DEFB135: variants seen among roughly 807,000 people sequenced by gnomAD.
The protein encoded by DEFB135 is beta-defensin 135.
A neutral mutation model predicts 8.9 loss-of-function variants in DEFB135; 14 were observed. That is an observed-to-expected ratio of 1.58 (90% confidence interval 1.04 to 2.47). The LOEUF (loss-of-function observed/expected upper bound fraction) is 2.47. Ranked by LOEUF, DEFB135 falls within the 30% of genes most tolerant of loss-of-function variation. The pLI, the probability that DEFB135 is intolerant of heterozygous loss-of-function variation, is 0.00. For missense variants in DEFB135, 135 were observed against 94.2 expected, an observed-to-expected ratio of 1.43 and a Z score of -1.79; for synonymous variants, 51 against 34.5, an observed-to-expected ratio of 1.48 and a Z score of -1.67.
intron 1 of DEFB135, among the ~76,000 whole-genome samples, chr8:11,984,103 A>C (rs1332192835): frequency 6.6e-6 from 1 of 152,098 alleles, no homozygotes; most frequent in Non-Finnish European, 1.5e-5. Flanking sequence ...GGCTCCTGGG[A>C]TGACTTCGAT....
At chr8:11,983,927 C>G (rs1422915579) in intron 1 of DEFB135, among the ~76,000 whole-genome samples, 1 of 152,070 alleles carries the variant, frequency 6.6e-6, no homozygotes, top group Non-Finnish European at 1.5e-5. Flanking sequence ...AAGCACTTGA[C>G]AAAAAGTCAT....
In DEFB135 at chr8:11,984,469, G is replaced by A; in HGVS notation, c.113G>A (p.Trp38Ter). The A allele has an allele frequency of 6.4e-7, 1 of 1,571,636 alleles. No homozygotes were observed. Among genetic ancestry groups the A allele is most frequent in the Non-Finnish European group, 8.7e-7 (1 of 1,149,894 alleles). Residue 38 changes from tryptophan to a stop codon, truncating the protein, a stop_gained, in exon 2 of 2, where the codon TGG becomes TAG. Coordinates refer to ENST00000382208, the MANE Select transcript of DEFB135 (RefSeq NM_001033017.3). LOFTEE classifies it high-confidence loss of function. The part of the protein sequence containing the change: ...VYIQKIFASC[W>*]RLQGTCRPKC... ...ATACAAAAAATCTTTGCTTCATGTT[G>A]GCGACTGCAAGGTACTTGCCGGCCA...
chr8:11,983,031 C>A (rs1187297441), intron 1 of DEFB135, among the ~76,000 whole-genome samples: 1 of 152,138 alleles, frequency 6.6e-6, no homozygotes, highest in African/African-American at 2.4e-5. Flanking sequence ...AGCAGAGAGC[C>A]CCTACCCTTT....
chr8:11,982,428 GA>G (rs1262353958), intron 1 of DEFB135, 44 bp downstream of exon 1: 2 of 1,605,496 alleles, frequency 1.2e-6, no homozygotes, highest in African/African-American at 1.3e-5. Flanking sequence ...ATAGTAAAGG[GA>G]AAAAAGGTGT....
Position 11,982,383 on chromosome 8 carries a change from A to T in DEFB135, c.63A>T (p.Pro21=), listed in dbSNP as rs377050782. Residue 21 remains proline (P), a splice_region_variant and synonymous_variant, in exon 1 of 2, where the codon CCA becomes CCT. Transcript: ENST00000382208. ...VVLNLLFYVP[P]GRSGPNVYIQ... Reference sequence around the variant, plus strand: ...TTAACTTACTCTTCTATGTTCCACCAGGTAAAATGGAGTCCCCACCTTGTA... The same window carrying T: ...TTAACTTACTCTTCTATGTTCCACCTGGTAAAATGGAGTCCCCACCTTGTA... 6.2e-7 allele frequency: 1 copy of T among 1,614,138 alleles called. No individual in the cohort carries two copies. The highest frequency in any genetic ancestry group is 1.1e-5 in the South Asian group (1 of 91,074).
intron 1 of DEFB135, 68 bp downstream of exon 1, chr8:11,982,452 G>A: frequency 1.3e-6 from 2 of 1,582,064 alleles, no homozygotes; most frequent in Non-Finnish European, 1.7e-6. Flanking sequence ...GGTTCTACAA[G>A]AGTGAGAAAA....
At chr8:11,983,481 C>A (rs913881355) in intron 1 of DEFB135, among the ~76,000 whole-genome samples, 1 of 152,142 alleles carries the variant, frequency 6.6e-6, no homozygotes, top group East Asian at 1.9e-4. Flanking sequence ...CATGGTGGGA[C>A]CTCCGACACT....
In DEFB135 at chr8:11,982,397, C is replaced by G; in HGVS notation, c.64+13C>G. The G allele has an allele frequency of 6.2e-7, 1 of 1,613,752 alleles. No individual in the cohort carries two copies. The highest frequency in any genetic ancestry group is 8.5e-7 in the Non-Finnish European group (1 of 1,179,776). On this transcript the variant is annotated intron_variant, in intron 1 of 1. Transcript: ENST00000382208. ...TATGTTCCACCAGGTAAAATGGAGTCCCCACCTTGTAGAATTAGGAATAGT... is the reference window on the plus strand; with the variant it reads ...TATGTTCCACCAGGTAAAATGGAGTGCCCACCTTGTAGAATTAGGAATAGT...
rs1055234074 is a variant in DEFB135 at position 11,984,280 on chromosome 8, C to G, written c.65-141C>G. On this transcript the variant is annotated intron_variant, in intron 1 of 1. Transcript: ENST00000382208. ...AGAGCAACTGAAAAGGGGCATCCAG[C>G]TATAAAATGTCTTGAGTATCTTTGA... 3 of 600,854 alleles carry G rather than the reference C, an allele frequency of 5.0e-6. No homozygotes were observed. The East Asian group carries it at 9.7e-5, about 19-fold the overall frequency. 37.2% of individuals were successfully genotyped at this position (600,854 alleles called of 1,614,324 possible).
intron 1 of DEFB135, among the ~76,000 whole-genome samples, chr8:11,982,835 A>G (rs1799763318): frequency 6.6e-6 from 1 of 152,320 alleles, no homozygotes; most frequent in South Asian, 2.1e-4. Context: ...GAATCCACAG[A>G]CACAGCTGGT....
At chr8:11,983,764 G>A (rs976840310) in intron 1 of DEFB135, among the ~76,000 whole-genome samples, 2 of 152,186 alleles carry the variant, frequency 1.3e-5, no homozygotes, top group East Asian at 1.9e-4. Context: ...CCACCCTCTG[G>A]TTTCCAGAGG....
chr8:11,983,892 G>A (rs745675043), intron 1 of DEFB135, among the ~76,000 whole-genome samples: 77 of 151,840 alleles, frequency 5.1e-4, no homozygotes, highest in Admixed American at 1.5e-3. Flanking sequence ...TGGGAGAATG[G>A]GTACTTCTTA....
chr8:11,983,105 G>C (rs1585084756), intron 1 of DEFB135, among the ~76,000 whole-genome samples: 1 of 152,168 alleles, frequency 6.6e-6, no homozygotes, highest in Non-Finnish European at 1.5e-5. Context: ...TTAAAAGACA[G>C]ATATGAGGCT....
chr8:11,982,922 G>C (rs4458916), intron 1 of DEFB135, among the ~76,000 whole-genome samples: 6,116 of 152,270 alleles, frequency 0.04, 386 homozygotes, highest in African/African-American at 0.14. Context: ...TTTACATTCT[G>C]TGGACAGAAG....
At chr8:11,984,292 T>C (rs2150552570) in intron 1 of DEFB135, 129 bp from the exon 2 acceptor site, 1 of 688,956 alleles carries the variant, frequency 1.5e-6, no homozygotes, top group African/African-American at 1.8e-5. Context: ...ATAAAATGTC[T>C]TGAGTATCTT....
Position 11,982,297 on chromosome 8 carries a change from A to C in DEFB135, c.-24A>C. ...GGAGAGAGTGACTCTCCGATGAGTC[A>C]CAGCTGCTTCTTTGCTGATTGGTAT... On this transcript the variant is annotated 5_prime_UTR_variant, in exon 1 of 2. Transcript: ENST00000382208. The C allele has an allele frequency of 6.2e-7, 1 of 1,614,004 alleles. No homozygotes were observed. The highest frequency in any genetic ancestry group is 8.5e-7 in the Non-Finnish European group (1 of 1,179,982).
chr8:11,984,014 T>C (rs768270684), intron 1 of DEFB135, among the ~76,000 whole-genome samples: 10 of 152,160 alleles, frequency 6.6e-5, no homozygotes, highest in Admixed American at 2.0e-4. Context: ...TCTTTCTTTA[T>C]GCTGACACTT....
In DEFB135 at chr8:11,982,305, T is replaced by G. The variant is rs1799746695; in HGVS notation, c.-16T>G. 1 of 1,614,002 alleles carries G rather than the reference T, an allele frequency of 6.2e-7. No homozygotes were observed. Among genetic ancestry groups the G allele is most frequent in the African/African-American group, 1.3e-5 (1 of 74,932 alleles). On this transcript the variant is annotated 5_prime_UTR_variant, in exon 1 of 2. Transcript: ENST00000382208. ...TGACTCTCCGATGAGTCACAGCTGC[T>G]TCTTTGCTGATTGGTATGGCCACAA...
intron 1 of DEFB135, among the ~76,000 whole-genome samples, chr8:11,983,472 A>G (rs181192203): frequency 2.4e-4 from 36 of 152,320 alleles, no homozygotes. Flanking sequence ...GATGTCCTGC[A>G]TGGTGGGACC....
Sources: allele counts gnomAD v4.1 joint callset (sites outside exome capture counted in the v4.1 genomes callset), GRCh38; gene constraint gnomAD v4.1.1; transcripts MANE v1.5; gene names NCBI Gene and HGNC (gene_info 2026-07-23, HGNC 2026-07-21).